Variants in ACSL6 observed in about 807,000 individuals in gnomAD.
The protein encoded by ACSL6 is long-chain-fatty-acid--CoA ligase 6.
In ACSL6, 47 loss-of-function variants were observed where a neutral mutation model predicts 98.2. The ratio of observed to expected loss-of-function variants is 0.48; its 90% CI spans 0.38 to 0.61. ACSL6 has a LOEUF of 0.61. Among genes scored for constraint, ACSL6 ranks in the 20% least tolerant of loss-of-function variants. The pLI is 0.00. For missense variants in ACSL6, 761 were observed against 913.4 expected, an observed-to-expected ratio of 0.83 and a Z score of 2.15; for synonymous variants, 362 against 336.9, an observed-to-expected ratio of 1.07 and a Z score of -0.82.
At chr5:131,970,229 T>C (rs147591084) in intron 14 of ACSL6, 29 bp from the exon 15 acceptor site, 1 of 1,609,596 alleles carries the variant, frequency 6.2e-7, no homozygotes, top group Non-Finnish European at 8.5e-7. Context: ...AGCCACACTA[T>C]GGGCACACAC....
intron 7 of ACSL6, among the ~76,000 whole-genome samples, chr5:131,987,251 T>A (rs557913550): frequency 6.6e-6 from 1 of 152,318 alleles, no homozygotes; most frequent in South Asian, 2.1e-4. Context: ...ATGCCACCTG[T>A]ATGATGGCAA....
chr5:131,957,439 T>C (rs1464711466), intron 20 of ACSL6, among the ~76,000 whole-genome samples: 1 of 152,246 alleles, frequency 6.6e-6, no homozygotes, highest in African/African-American at 2.4e-5. Context: ...CAGCCACCTA[T>C]CTACTCATTA....
intron 1 of ACSL6, among the ~76,000 whole-genome samples, chr5:132,004,830 G>T (rs962329395): frequency 1.3e-5 from 2 of 152,132 alleles, no homozygotes; most frequent in Non-Finnish European, 2.9e-5. Context: ...TAGGCTTAGG[G>T]GAGTTGGCCT....
rs1476324840 is a variant in ACSL6 at position 131,989,660 on chromosome 5, A to G, written c.451-152T>C. The G allele has an allele frequency of 1.8e-5, 11 of 616,046 alleles. No homozygotes were observed. The African/African-American group carries it at 2.4e-4, about 13-fold the overall frequency. 38.2% of individuals were successfully genotyped at this position (616,046 alleles called of 1,614,324 possible). On this transcript the variant is annotated intron_variant, in intron 4 of 20. Transcript: ENST00000651883. ...ACCCAGGCTGGAGTGCAATGGCACA[A>G]TCTCTGCTCACTGCAACCTCTGCCT...
At chr5:131,964,963 G>A (rs1165154820) in intron 17 of ACSL6, among the ~76,000 whole-genome samples, 1 of 152,134 alleles carries the variant, frequency 6.6e-6, no homozygotes, top group African/African-American at 2.4e-5. Flanking sequence ...CCCCCAGTGT[G>A]CCCCCAGCTC....
At chr5:131,962,514 G>A (rs1305269087) in intron 18 of ACSL6, 21 bp downstream of exon 18, 1 of 1,599,076 alleles carries the variant, frequency 6.3e-7, no homozygotes, top group South Asian at 1.1e-5. Flanking sequence ...ATGTGGGAGG[G>A]CTGAAGCCTA....
chr5:131,992,679 T>C (rs1437394168), intron 2 of ACSL6, among the ~76,000 whole-genome samples: 1 of 152,158 alleles, frequency 6.6e-6, no homozygotes, highest in Non-Finnish European at 1.5e-5. Flanking sequence ...TTTCTTACGC[T>C]TGCCCCTGTC....
At chr5:131,970,835 T>C (rs1317511550) in intron 14 of ACSL6, among the ~76,000 whole-genome samples, 2 of 152,214 alleles carry the variant, frequency 1.3e-5, no homozygotes, top group Non-Finnish European at 2.9e-5. Flanking sequence ...ATCTACTCTG[T>C]GTTTTATTTT....
chr5:132,005,180 C>T (rs928394714), intron 1 of ACSL6, among the ~76,000 whole-genome samples: 19 of 152,106 alleles, frequency 1.2e-4, no homozygotes, highest in African/African-American at 3.9e-4. Flanking sequence ...AAAAAAAATG[C>T]GTGAGTTGAA....
chr5:131,988,217 C>T lies in ACSL6; in HGVS notation c.662G>A (p.Ser221Asn). ...IRYIINTADISTVIVDKPQKA... is the reference protein window; with the variant it reads ...IRYIINTADINTVIVDKPQKA... Reference sequence around the variant, plus strand: ...CTGAGGTTTGTCCACAATCACGGTGCTGATGTCCGCTGCAGGGGGCCATCA... The same window carrying T: ...CTGAGGTTTGTCCACAATCACGGTGTTGATGTCCGCTGCAGGGGGCCATCA... Residue 221 changes from serine (S) to asparagine (N), a missense_variant, in exon 7 of 21, where the codon AGC (serine) becomes AAC (asparagine). Transcript: ENST00000651883. 6.2e-7 allele frequency: 1 copy of T among 1,614,118 alleles called. No homozygotes were observed. Among genetic ancestry groups the T allele is most frequent in the South Asian group, 1.1e-5 (1 of 91,082 alleles).
chr5:131,973,685 T>A (rs1753444651), intron 11 of ACSL6: 2 of 286,834 alleles, frequency 7.0e-6, no homozygotes, highest in Non-Finnish European at 1.3e-5. Flanking sequence ...TGTGCCCCCC[T>A]CACCTACTCC....
chr5:131,988,745 C>T, intron 6 of ACSL6, 60 bp downstream of exon 6: 1 of 1,575,452 alleles, frequency 6.3e-7, no homozygotes, highest in Non-Finnish European at 8.7e-7. Context: ...ACCTGAGAAG[C>T]TGGAGGCTGG....
chr5:131,971,486 T>C, intron 14 of ACSL6, 64 bp downstream of exon 14: 2 of 1,358,482 alleles, frequency 1.5e-6, no homozygotes, highest in South Asian at 1.6e-5. Context: ...GTAGAGGGTA[T>C]AGTAGTTTTC....
Position 131,970,049 on chromosome 5 carries a change from C to G in ACSL6, c.1507+79G>C, listed in dbSNP as rs545733542. 21 of 1,293,310 alleles carry G rather than the reference C, an allele frequency of 1.6e-5. No individual in the cohort carries two copies. The South Asian group carries it at 2.5e-4, about 16-fold the overall frequency. 80.1% of individuals were successfully genotyped at this position (1,293,310 alleles called of 1,614,324 possible). Reference sequence around the variant, plus strand: ...CTAAGTACCCATGCAAATTTACTTTCCATGAGGGAGTTTTAGAGCTGGCTG... The same window carrying G: ...CTAAGTACCCATGCAAATTTACTTTGCATGAGGGAGTTTTAGAGCTGGCTG... On this transcript the variant is annotated intron_variant, in intron 15 of 20. Transcript: ENST00000651883.
At chr5:131,976,286 AGTT>A in intron 10 of ACSL6, 1 of 924,290 alleles carries the variant, frequency 1.1e-6, no homozygotes, top group Non-Finnish European at 1.3e-6. Flanking sequence ...TTGAAAAACA[AGTT>A]ATTAAGGATT....
chr5:131,973,558 T>A, intron 11 of ACSL6, 158 bp from the exon 12 acceptor site: 1 of 654,558 alleles, frequency 1.5e-6, no homozygotes. Flanking sequence ...CCATCTGAGG[T>A]GACCCCCACC....
At chr5:131,988,390 C>T (rs1580675070) in intron 6 of ACSL6, among the ~76,000 whole-genome samples, 164 bp from the exon 7 acceptor site, 1 of 152,302 alleles carries the variant, frequency 6.6e-6, no homozygotes, top group East Asian at 1.9e-4. Flanking sequence ...GAGGAATTTG[C>T]CGTGGGTCCT....
At position 131,994,243 on chromosome 5, in the gene ACSL6, G is replaced by T; in HGVS notation, c.58C>A (p.Leu20Ile). ...GSLWLFVEFV[L>I]SLLEKMQTQE... is the part of the protein sequence containing the mutation. ...GTCTGCATCTTCTCCAGAAGTGAGA[G>T]GACAAACTCTGTTGAAAACAAGAGT... The change falls in exon 2 of 21, where the codon CTC becomes ATC. Residue 20 changes from leucine (L) to isoleucine (I), a missense_variant. Leu to Ile is a conservative substitution (Grantham distance 5). Coordinates refer to ENST00000651883, the MANE Select transcript of ACSL6 (RefSeq NM_001009185.3). 6.2e-7 allele frequency: 1 copy of T among 1,609,710 alleles called. No individual in the cohort carries two copies. Among genetic ancestry groups the T allele is most frequent in the South Asian group, 1.1e-5 (1 of 90,230 alleles).
chr5:132,010,131 T>G (rs1278206911), intron 1 of ACSL6, among the ~76,000 whole-genome samples: 3 of 152,226 alleles, frequency 2.0e-5, no homozygotes, highest in Non-Finnish European at 4.4e-5. Flanking sequence ...AGAGTGCCCC[T>G]GCACAGCCAG....
Sources: allele counts gnomAD v4.1 joint callset (sites outside exome capture counted in the v4.1 genomes callset), GRCh38; gene constraint gnomAD v4.1.1; transcripts MANE v1.5; gene names NCBI Gene and HGNC (gene_info 2026-07-23, HGNC 2026-07-21).